KNL1: variants seen among roughly 807,000 people sequenced by gnomAD.
KNL1 encodes kinetochore scaffold 1, also known as outer kinetochore KNL1 complex subunit KNL1.
KNL1 carries 66 observed loss-of-function variants against 201.3 expected under a neutral mutation model. The ratio of observed to expected loss-of-function variants is 0.33; its 90% CI spans 0.27 to 0.40. KNL1 has a LOEUF of 0.40. Ranked by LOEUF, KNL1 falls within the 10% of genes least tolerant of loss-of-function variation. The pLI, the probability that KNL1 is intolerant of heterozygous loss-of-function variation, is 1.00. For synonymous variants in KNL1, 895 were observed against 899.2 expected, an observed-to-expected ratio of 1.00 and a Z score of 0.08; for missense variants, 2,815 against 2,690.5, an observed-to-expected ratio of 1.05 and a Z score of -1.02.
chr15:40,634,492 G>C (rs1183682109), intron 13 of KNL1, among the ~76,000 whole-genome samples: 1 of 152,180 alleles, frequency 6.6e-6, no homozygotes, highest in Non-Finnish European at 1.5e-5. Context: ...AAGCTGTTTA[G>C]AAACAAATCA....
At chr15:40,661,684 G>C (rs1893913107) in intron 25 of KNL1, among the ~76,000 whole-genome samples, 1 of 152,094 alleles carries the variant, frequency 6.6e-6, no homozygotes, top group African/African-American at 2.4e-5. Flanking sequence ...GTGCTTCCTA[G>C]GAAACTGAGA....
At chr15:40,639,256 C>T (rs1227372767) in intron 13 of KNL1, among the ~76,000 whole-genome samples, 2 of 148,666 alleles carry the variant, frequency 1.3e-5, no homozygotes, top group Non-Finnish European at 3.0e-5. Context: ...GAGTTTGAGA[C>T]CAGCCTGGGC....
intron 19 of KNL1, 22 bp from the exon 20 acceptor site, chr15:40,651,449 G>C: frequency 6.5e-7 from 1 of 1,539,438 alleles, no homozygotes; most frequent in Non-Finnish European, 8.8e-7. Flanking sequence ...TTATCTCTCT[G>C]AATACCTGCT....
chr15:40,637,996 G>A (rs894296603), intron 13 of KNL1, among the ~76,000 whole-genome samples: 4 of 151,810 alleles, frequency 2.6e-5, no homozygotes, highest in African/African-American at 9.7e-5. Context: ...TGGGCAACAC[G>A]GTGAAACCCT....
At position 40,629,277 on chromosome 15, in the gene KNL1, T is replaced by TC. The variant is rs753346959; in HGVS notation, c.5590dup (p.Gln1864ProfsTer58). 1 of 1,578,064 alleles carries TC rather than the reference T, an allele frequency of 6.3e-7. No homozygotes were observed. The highest frequency in any genetic ancestry group is 1.2e-5 in the South Asian group (1 of 84,422). On this transcript the variant is annotated frameshift_variant, in exon 13 of 26. Coordinates refer to ENST00000399668, the MANE Select transcript of KNL1 (RefSeq NM_144508.5). LOFTEE classifies it high-confidence loss of function. ...AACTTTTTTTTCTTTTCTCAGAAAC[T>TC]CCAAGATGGGAGAATAACAATAAGG...
rs1892710878 is a variant in KNL1, at chr15:40,625,363, C to T, written c.5099C>T (p.Ala1700Val). ...SSKDSGIGSV[A>V]GKLNLSPSQY... ...AAAGATTCAGGCATTGGATCTGTTGCAGGTAAACTGAACCTAAGTCCTTCT... is the reference window on the plus strand; with the variant it reads ...AAAGATTCAGGCATTGGATCTGTTGTAGGTAAACTGAACCTAAGTCCTTCT... Residue 1700 changes from alanine to valine, a missense_variant, in exon 10 of 26, where the codon GCA (alanine) becomes GTA (valine). Physicochemically the swap from Ala to Val is moderately conservative, Grantham distance 64. Transcript: ENST00000399668. 1.9e-6 allele frequency: 3 copies of T among 1,613,958 alleles called. No homozygotes were observed. Among genetic ancestry groups the T allele is most frequent in the African/African-American group, 1.3e-5 (1 of 74,902 alleles).
intron 13 of KNL1, among the ~76,000 whole-genome samples, chr15:40,636,135 G>T (rs1394853885): frequency 6.6e-6 from 1 of 152,226 alleles, no homozygotes; most frequent in Non-Finnish European, 1.5e-5. Flanking sequence ...ACCGCACCCA[G>T]CTGGTTGAGA....
rs1438884974 is a variant in KNL1, at chr15:40,625,422, C to T, written c.5158C>T (p.Pro1720Ser). 7 of 1,613,718 alleles carry T rather than the reference C, an allele frequency of 4.3e-6. No homozygotes were observed. The highest frequency in any genetic ancestry group is 2.2e-5 in the South Asian group (2 of 91,054). ...AAATGAGGAAAATCTTCCTGTATAT[C>T]CTGATGAGATCAATTCTTCAGACTC... ...YINEENLPVY[P>S]DEINSSDSIN... The change falls in exon 10 of 26, where the codon CCT (proline) becomes TCT (serine). Residue 1720 changes from proline (P) to serine (S), a missense_variant. Transcript: ENST00000399668.
At position 40,621,969 on chromosome 15, in the gene KNL1, G is replaced by T. The variant is rs1271635513; in HGVS notation, c.1705G>T (p.Gly569Cys). ...LTDRKTELLS[G>C]ENMDLTESHT... ...TGATAGAAAGACTGAACTCTTATCAGGTGAAAATATGGATTTGACTGAAAG... is the reference window on the plus strand; with the variant it reads ...TGATAGAAAGACTGAACTCTTATCATGTGAAAATATGGATTTGACTGAAAG... Residue 569 changes from glycine (G) to cysteine (C), a missense_variant, in exon 10 of 26, where the codon GGT becomes TGT. This residue lies in a region of KNL1 where 2,464 missense variants were observed against 2,291.7 expected (regional missense o/e 1.08). Coordinates refer to ENST00000399668, the MANE Select transcript of KNL1 (RefSeq NM_144508.5). 6.2e-7 allele frequency: 1 copy of T among 1,614,004 alleles called. No homozygotes were observed. Among genetic ancestry groups the T allele is most frequent in the South Asian group, 1.1e-5 (1 of 91,076 alleles).
chr15:40,612,025 T>TA (rs1184484218), intron 7 of KNL1, among the ~76,000 whole-genome samples: 1 of 151,476 alleles, frequency 6.6e-6, no homozygotes, highest in Admixed American at 6.6e-5. Flanking sequence ...ACTAAAAAAA[T>TA]ACAAAAAATT....
In KNL1 at chr15:40,624,302, C is replaced by T. The variant is rs1273459040; in HGVS notation, c.4038C>T (p.Ala1346=). 3.1e-6 allele frequency: 5 copies of T among 1,613,850 alleles called. No individual in the cohort carries two copies. Among genetic ancestry groups the T allele is most frequent in the Non-Finnish European group, 4.2e-6 (5 of 1,179,950 alleles). Reference sequence around the variant, plus strand: ...ATCTTGCTTATGCAAATGATTTTGCCAGTGAATATTACTTGGAATCTGAGG... The same window carrying T: ...ATCTTGCTTATGCAAATGATTTTGCTAGTGAATATTACTTGGAATCTGAGG... ...QNDLAYANDF[A]SEYYLESEGQ... Residue 1346 remains alanine (A), a synonymous_variant, in exon 10 of 26, where the codon GCC becomes GCT. Coordinates refer to ENST00000399668, the MANE Select transcript of KNL1 (RefSeq NM_144508.5).
At chr15:40,640,454 A>G (rs1177533747) in intron 13 of KNL1, among the ~76,000 whole-genome samples, 1 of 151,916 alleles carries the variant, frequency 6.6e-6, no homozygotes, top group Non-Finnish European at 1.5e-5. Context: ...GTTCTATAAA[A>G]CATTTTTAAA....
chr15:40,650,646 C>A, intron 19 of KNL1, 63 bp downstream of exon 19: 1 of 1,412,426 alleles, frequency 7.1e-7, no homozygotes, highest in East Asian at 2.5e-5. Flanking sequence ...AGATGACTTC[C>A]TGCCTCCAGA....
At chr15:40,642,398 T>A (rs1436566311) in intron 14 of KNL1, among the ~76,000 whole-genome samples, 33 of 149,434 alleles carry the variant, frequency 2.2e-4, no homozygotes, top group African/African-American at 7.2e-4. Flanking sequence ...CGAGACTCTG[T>A]CTCAAAAAAA....
intron 10 of KNL1, among the ~76,000 whole-genome samples, chr15:40,627,430 C>G (rs1039364511): frequency 6.6e-6 from 1 of 150,952 alleles, no homozygotes; most frequent in Non-Finnish European, 1.5e-5. Flanking sequence ...AGGAGAATGG[C>G]GTGAACCCGG....
intron 14 of KNL1, among the ~76,000 whole-genome samples, chr15:40,641,679 C>T (rs1451338212): frequency 6.6e-6 from 1 of 152,194 alleles, no homozygotes; most frequent in Non-Finnish European, 1.5e-5. Flanking sequence ...CACGTTTAGG[C>T]TTGGGTTTCA....
At chr15:40,612,237 A>G (rs1199090929) in intron 7 of KNL1, among the ~76,000 whole-genome samples, 2 of 152,134 alleles carry the variant, frequency 1.3e-5, no homozygotes, top group East Asian at 1.9e-4. Flanking sequence ...AATCACTTGA[A>G]TCTGGGAGGT....
Position 40,622,169 on chromosome 15 carries a change from C to A in KNL1, c.1905C>A (p.Thr635=). 6.2e-7 allele frequency: 1 copy of A among 1,614,052 alleles called. No homozygotes were observed. The highest frequency in any genetic ancestry group is 1.7e-5 in the Admixed American group (1 of 60,016). ...ACATAATAGCCAAAAACAGCTTAAC[C>A]GACACCTGGAACAAAGACAAAGATT... ...RSDIIAKNSL[T]DTWNKDKDWV... is the part of the protein sequence containing the mutation. Residue 635 remains threonine (T), a synonymous_variant, in exon 10 of 26, where the codon ACC becomes ACA. Coordinates refer to ENST00000399668, the MANE Select transcript of KNL1 (RefSeq NM_144508.5).
At chr15:40,644,076 T>G (rs1211852980) in intron 14 of KNL1, among the ~76,000 whole-genome samples, 2 of 152,124 alleles carry the variant, frequency 1.3e-5, no homozygotes, top group East Asian at 1.9e-4. Flanking sequence ...GGGGACCGGC[T>G]CTCAGCATAC....
Sources: gnomAD v4.1 joint callset for allele counts (sites outside exome capture counted in the v4.1 genomes callset) on GRCh38, gnomAD v4.1.1 for gene constraint, gnomAD v4.1.1 regional missense constraint, MANE v1.5 for transcripts, NCBI Gene and HGNC (gene_info 2026-07-23, HGNC 2026-07-21) for gene names.